PALM2AKAP2: variants seen among roughly 807,000 people sequenced by gnomAD.
The protein encoded by PALM2AKAP2 is PALM2 and AKAP2 fusion, also known as PALM2-AKAP2 fusion protein.
In PALM2AKAP2, 37 loss-of-function variants were observed where a neutral mutation model predicts 71.5. The ratio of observed to expected loss-of-function variants is 0.52; its 90% CI spans 0.40 to 0.68. The LOEUF (loss-of-function observed/expected upper bound fraction) is 0.68. Ranked by LOEUF, PALM2AKAP2 falls within the 30% of genes least tolerant of loss-of-function variation. The pLI is 0.00. For missense variants in PALM2AKAP2, 1,224 were observed against 1,191.8 expected, an observed-to-expected ratio of 1.03 and a Z score of -0.40; for synonymous variants, 468 against 478.8, an observed-to-expected ratio of 0.98 and a Z score of 0.29.
chr9:109,724,324 A>C (rs1163161718), intron 1 of PALM2AKAP2, among the ~76,000 whole-genome samples: 5 of 152,228 alleles, frequency 3.3e-5, no homozygotes, highest in Non-Finnish European at 7.3e-5. Flanking sequence ...AAAGTAATAT[A>C]TAAATGTAAT....
At chr9:109,936,145 T>C (rs927957541) in intron 6 of PALM2AKAP2, among the ~76,000 whole-genome samples, 2 of 152,236 alleles carry the variant, frequency 1.3e-5, no homozygotes, top group Non-Finnish European at 2.9e-5. Context: ...ATGTGGTATT[T>C]TGATACATTC....
chr9:110,081,377 AAGAG>A (rs930615785), intron 1 of PALM2AKAP2, among the ~76,000 whole-genome samples: 3 of 152,262 alleles, frequency 2.0e-5, no homozygotes, highest in Non-Finnish European at 4.4e-5. Context: ...CATTGTTAAA[AAGAG>A]AGATTTTGGA....
At chr9:110,021,270 A>T (rs1833069755) in intron 7 of PALM2AKAP2, among the ~76,000 whole-genome samples, 1 of 152,170 alleles carries the variant, frequency 6.6e-6, no homozygotes, top group Non-Finnish European at 1.5e-5. Context: ...AGCCCAAGTC[A>T]AGAAACACGT....
chr9:110,065,112 C>T (rs915538407), intron 1 of PALM2AKAP2, among the ~76,000 whole-genome samples: 2 of 152,228 alleles, frequency 1.3e-5, no homozygotes, highest in African/African-American at 4.8e-5. Context: ...CAGCTTCCTG[C>T]ACTTCCGTGA....
intron 6 of PALM2AKAP2, among the ~76,000 whole-genome samples, chr9:109,957,640 T>A (rs1282289860): frequency 6.6e-6 from 1 of 152,234 alleles, no homozygotes; most frequent in African/African-American, 2.4e-5. Flanking sequence ...TGAACTGAAC[T>A]TTTAAGAAGC....
intron 1 of PALM2AKAP2, among the ~76,000 whole-genome samples, chr9:110,096,010 A>G (rs1412726638): frequency 2.6e-5 from 4 of 152,212 alleles, no homozygotes; most frequent in Admixed American, 1.3e-4. Flanking sequence ...AAGCGCATGC[A>G]TGTGTCTGAG....
At chr9:109,939,600 G>A (rs1322829936) in intron 6 of PALM2AKAP2, among the ~76,000 whole-genome samples, 1 of 152,204 alleles carries the variant, frequency 6.6e-6, no homozygotes, top group South Asian at 2.1e-4. Flanking sequence ...CCATGAGTGT[G>A]TTAATAGTGA....
chr9:109,983,772 T>G (rs1222144731), intron 6 of PALM2AKAP2, among the ~76,000 whole-genome samples: 2 of 150,992 alleles, frequency 1.3e-5, no homozygotes, highest in Non-Finnish European at 2.9e-5. Flanking sequence ...GGCTGAGGCA[T>G]GAGAATCGCT....
chr9:109,825,360 A>G (rs1828118665), intron 1 of PALM2AKAP2, among the ~76,000 whole-genome samples: 1 of 152,222 alleles, frequency 6.6e-6, no homozygotes, highest in Admixed American at 6.5e-5. Flanking sequence ...AAAATTGACA[A>G]ATGGGATCTA....
At chr9:109,668,621 A>G (rs907841245) in intron 1 of PALM2AKAP2, among the ~76,000 whole-genome samples, 1 of 152,172 alleles carries the variant, frequency 6.6e-6, no homozygotes, top group African/African-American at 2.4e-5. Context: ...GGGCACATAG[A>G]GTCTGTCTGT....
intron 2 of PALM2AKAP2, among the ~76,000 whole-genome samples, chr9:109,868,614 A>G (rs184956567): frequency 2.6e-5 from 4 of 152,298 alleles, no homozygotes; most frequent in Admixed American, 6.5e-5. Flanking sequence ...CTAAATGAAT[A>G]CCCAAAATGA....
intron 1 of PALM2AKAP2, among the ~76,000 whole-genome samples, chr9:109,801,673 C>G (rs10980050): frequency 0.18 from 26,949 of 151,940 alleles, 2,795 homozygotes; most frequent in East Asian, 0.35. Context: ...TCAGAATGCT[C>G]AGGCCAGAGC....
chr9:110,160,303 A>C (rs954945192), intron 3 of PALM2AKAP2, among the ~76,000 whole-genome samples: 1 of 152,136 alleles, frequency 6.6e-6, no homozygotes, highest in African/African-American at 2.4e-5. Context: ...TCCTATTCAT[A>C]TTGTGGGTTT....
chr9:109,738,627 C>T (rs1828673627), intron 1 of PALM2AKAP2, among the ~76,000 whole-genome samples: 1 of 152,148 alleles, frequency 6.6e-6, no homozygotes, highest in African/African-American at 2.4e-5. Context: ...TTACGGTAGT[C>T]TTCTATCCAG....
At chr9:109,865,959 A>G (rs1829438229) in intron 1 of PALM2AKAP2, among the ~76,000 whole-genome samples, 1 of 152,070 alleles carries the variant, frequency 6.6e-6, no homozygotes, top group Admixed American at 6.5e-5. Flanking sequence ...TCTTGCACAC[A>G]CTCTGGGATT....
intron 7 of PALM2AKAP2, among the ~76,000 whole-genome samples, chr9:110,032,400 AG>A (rs1385530709): frequency 6.6e-6 from 1 of 151,906 alleles, no homozygotes; most frequent in African/African-American, 2.4e-5. Context: ...CTCTACTTAA[AG>A]AAAAAAAACC....
chr9:110,003,290 C>T (rs941640731), intron 6 of PALM2AKAP2, among the ~76,000 whole-genome samples: 1 of 152,066 alleles, frequency 6.6e-6, no homozygotes, highest in African/African-American at 2.4e-5. Flanking sequence ...TTGTTATGTA[C>T]CCAGTAGTCA....
At chr9:109,835,188 A>G (rs368848494) in intron 1 of PALM2AKAP2, among the ~76,000 whole-genome samples, 31 of 121,882 alleles carry the variant, frequency 2.5e-4, no homozygotes, top group Non-Finnish European at 4.2e-4. Context: ...GGGAAAGAGG[A>G]GAGGGTGTAG....
intron 1 of PALM2AKAP2, among the ~76,000 whole-genome samples, chr9:110,129,632 A>G (rs6477742): frequency 0.48 from 73,318 of 152,126 alleles, 17,923 homozygotes; most frequent in African/African-American, 0.57. Context: ...AAGCTATTAG[A>G]CATGTGTCAA....
Sources: gnomAD v4.1 joint callset for allele counts (sites outside exome capture counted in the v4.1 genomes callset) on GRCh38, gnomAD v4.1.1 for gene constraint, MANE v1.5 for transcripts, NCBI Gene and HGNC (gene_info 2026-07-23, HGNC 2026-07-21) for gene names.